The following ADGRF5 variants were observed in gnomAD, a reference collection of about 807,000 sequenced individuals.
ADGRF5 encodes adhesion G protein-coupled receptor F5.
In ADGRF5, 75 loss-of-function variants were observed where a neutral mutation model predicts 132.3. The ratio of observed to expected loss-of-function variants is 0.57; its 90% CI spans 0.47 to 0.69. The LOEUF is 0.69. Among genes scored for constraint, ADGRF5 ranks in the 30% least tolerant of loss-of-function variants. The probability of loss-of-function intolerance (pLI) is 0.00; values close to 1 mark genes in which losing one functional copy is unlikely to be tolerated. For synonymous variants in ADGRF5, 629 were observed against 597.6 expected, an observed-to-expected ratio of 1.05 and a Z score of -0.77; for missense variants, 1,516 against 1,630.6, an observed-to-expected ratio of 0.93 and a Z score of 1.21.
chr6:46,936,996 T>C (rs1777865065), intron 1 of ADGRF5, among the ~76,000 whole-genome samples: 1 of 152,224 alleles, frequency 6.6e-6, no homozygotes, highest in Admixed American at 6.5e-5. Flanking sequence ...CCCACCCTTC[T>C]TGACCCTTTT....
Position 46,907,430 on chromosome 6 carries a change from C to T in ADGRF5, c.-24-644G>A, listed in dbSNP as rs575941077. On this transcript the variant is annotated intron_variant, in intron 1 of 20. Coordinates refer to ENST00000283296, the MANE Select transcript of ADGRF5 (RefSeq NM_001098518.2). Reference sequence around the variant, plus strand: ...CTATTGCCCAGGCTGGTCTTGAATTCCTGGCCTCAAGCAATCCTCCTGCCT... The same window carrying T: ...CTATTGCCCAGGCTGGTCTTGAATTTCTGGCCTCAAGCAATCCTCCTGCCT... Among the ~76,000 whole-genome samples the T allele has an allele frequency of 1.5e-4, 23 of 151,812 alleles. 1 individual carries two copies. Among genetic ancestry groups the T allele is most frequent in the Admixed American group, 1.0e-3 (16 of 15,260 alleles).
At chr6:46,918,151 G>C (rs1215455800) in intron 1 of ADGRF5, among the ~76,000 whole-genome samples, 1 of 152,222 alleles carries the variant, frequency 6.6e-6, no homozygotes, top group Admixed American at 6.5e-5. Flanking sequence ...GTCACACCAT[G>C]TGATTTGAAA....
Position 46,877,297 on chromosome 6 carries a change from C to T in ADGRF5, c.1240+905G>A, listed in dbSNP as rs868816762. ...TTTCTTTCTTTCTTTCTTTCTCTCT[C>T]TCTCTCTCTTTCCTTCCTTCCTTCC... On this transcript the variant is annotated intron_variant, in intron 10 of 20. Coordinates refer to ENST00000283296, the MANE Select transcript of ADGRF5 (RefSeq NM_001098518.2). 1.5e-3 allele frequency among the ~76,000 whole-genome samples: 140 copies of T among 95,092 alleles called. 2 individuals carry two copies. Among genetic ancestry groups the T allele is most frequent in the African/African-American group, 4.6e-3 (114 of 24,984 alleles). 62.4% of individuals were successfully genotyped at this position (95,092 alleles called of 152,430 possible). A position where few individuals can be genotyped will look rare whatever the true frequency, so the allele number is the denominator to read the frequency against.
chr6:46,888,263 T>C lies in ADGRF5; in HGVS notation c.328+72A>G, dbSNP rs535968596. 4 of 1,084,494 alleles carry C rather than the reference T, an allele frequency of 3.7e-6. No individual in the cohort carries two copies. In the East Asian group the frequency reaches 7.1e-5, roughly 19 times the overall value. The allele number at this position is 1,084,494 out of a possible 1,614,324, so 67.2% of individuals were successfully genotyped here. On this transcript the variant is annotated intron_variant, in intron 4 of 20. Transcript: ENST00000283296. ...CCTACTAAGTAAAAGATTGCTCTGA[T>C]ACTCAGGAGCTCAGACAGTCTGTCT...
At chr6:46,876,818 T>C (rs1771706829) in intron 10 of ADGRF5, among the ~76,000 whole-genome samples, 1 of 152,202 alleles carries the variant, frequency 6.6e-6, no homozygotes, top group Admixed American at 6.5e-5. Flanking sequence ...TTGGCCAGGC[T>C]CGTCTCCAAT....
At chr6:46,869,194 G>GAA in intron 11 of ADGRF5, 102 bp from the exon 12 acceptor site, 4 of 1,337,508 alleles carry the variant, frequency 3.0e-6, no homozygotes, top group East Asian at 2.8e-5. Context: ...GAGAGGGACA[G>GAA]AAAAAAAAAA....
upstream of ADGRF5, among the ~76,000 whole-genome samples, chr6:46,925,729 C>T (rs114403141): frequency 0.01 from 1,555 of 152,312 alleles, 23 homozygotes; most frequent in African/African-American, 0.034. Context: ...TGCATTCCAG[C>T]CTGAGTGACA....
intron 1 of ADGRF5, among the ~76,000 whole-genome samples, chr6:46,913,556 A>T (rs1687380347): frequency 6.6e-6 from 1 of 152,072 alleles, no homozygotes; most frequent in Non-Finnish European, 1.5e-5. Flanking sequence ...TGGTGCCAAG[A>T]AGTCCATTAA....
At chr6:46,888,890 A>T (rs917726875) in intron 3 of ADGRF5, among the ~76,000 whole-genome samples, 1 of 152,114 alleles carries the variant, frequency 6.6e-6, no homozygotes, top group Non-Finnish European at 1.5e-5. Flanking sequence ...TGGATTGAAG[A>T]CATCTGGGAA....
At chr6:46,951,653 C>T (rs1407680668) in intron 1 of ADGRF5, among the ~76,000 whole-genome samples, 1 of 152,168 alleles carries the variant, frequency 6.6e-6, no homozygotes, top group Non-Finnish European at 1.5e-5. Context: ...CTTGGTAGAG[C>T]TACTTCCTCC....
intron 1 of ADGRF5, among the ~76,000 whole-genome samples, chr6:46,953,633 A>G (rs1476489355): frequency 1.0e-5 from 1 of 98,502 alleles, no homozygotes; most frequent in Admixed American, 1.5e-4. Flanking sequence ...AAAAAATTAT[A>G]TATATATAGA....
chr6:46,945,156 G>T, intron 1 of ADGRF5, among the ~76,000 whole-genome samples: 4 of 152,258 alleles, frequency 2.6e-5, no homozygotes, highest in Middle Eastern at 6.8e-3. Context: ...TGGAAATTCT[G>T]CCTGAGTGAT....
intron 15 of ADGRF5, 35 bp downstream of exon 15, chr6:46,862,853 C>A (rs149538741): frequency 2.1e-6 from 3 of 1,407,486 alleles, no homozygotes; most frequent in Non-Finnish European, 3.0e-6. Context: ...TAGATCGCCC[C>A]ACCAAGAGCT....
intron 3 of ADGRF5, among the ~76,000 whole-genome samples, chr6:46,897,048 C>G (rs959677480): frequency 1.3e-5 from 2 of 151,536 alleles, no homozygotes; most frequent in Non-Finnish European, 2.9e-5. Flanking sequence ...GGAACCAATC[C>G]CCCATGGATA....
At position 46,853,580 on chromosome 6, in the gene ADGRF5, T is replaced by TTCCTTC. The variant is rs1562127432; in HGVS notation, c.*411_*412insGAAGGA. 2 of 150,534 alleles carry TTCCTTC rather than the reference T, an allele frequency of 1.3e-5. No individual in the cohort carries two copies. Among genetic ancestry groups the TTCCTTC allele is most frequent in the Non-Finnish European group, 2.9e-5 (2 of 67,902 alleles). 9.3% of individuals were successfully genotyped at this position (150,534 alleles called of 1,614,324 possible). ...GTTTCCCTCCCTTCTTTCCTTCCTTTCTTCCTTCCTTCCTTCTTAGAATTC... is the reference window on the plus strand; with the variant it reads ...GTTTCCCTCCCTTCTTTCCTTCCTTTTCCTTCCTTCCTTCCTTCCTTCTTAGAATTC... On this transcript the variant is annotated 3_prime_UTR_variant, in exon 21 of 21. Transcript: ENST00000283296.
At chr6:46,930,790 C>G (rs186237736) in intron 1 of ADGRF5, among the ~76,000 whole-genome samples, 1 of 152,180 alleles carries the variant, frequency 6.6e-6, no homozygotes, top group Non-Finnish European at 1.5e-5. Flanking sequence ...CGGCAGCTCA[C>G]GCCTGTAATC....
Position 46,859,457 on chromosome 6 carries a change from G to A in ADGRF5, c.2446C>T (p.Gln816Ter), listed in dbSNP as rs756296075. 1 of 1,613,496 alleles carries A rather than the reference G, an allele frequency of 6.2e-7. No individual in the cohort carries two copies. The highest frequency in any genetic ancestry group is 8.5e-7 in the Non-Finnish European group (1 of 1,179,450). ...TGTGAACTCTGATTGGTCCATTGCT[G>A]TTGTAAAACCTTCCAGGTGTTCAAG... ...PVLNTWKVLQ[Q>*]QWTNQSSQLL... is the part of the protein sequence containing the mutation. The change falls in exon 17 of 21, where the codon CAG becomes TAG. Residue 816 changes from glutamine (Q) to a stop codon, truncating the protein, a stop_gained. Coordinates refer to ENST00000283296, the MANE Select transcript of ADGRF5 (RefSeq NM_001098518.2). LOFTEE classifies it high-confidence loss of function.
chr6:46,895,330 C>A (rs1774064894), intron 3 of ADGRF5, among the ~76,000 whole-genome samples: 1 of 151,972 alleles, frequency 6.6e-6, no homozygotes, highest in African/African-American at 2.4e-5. Context: ...CTCCACACAC[C>A]AGCCTGAAAG....
intron 1 of ADGRF5, among the ~76,000 whole-genome samples, chr6:46,953,932 A>G (rs1174304738): frequency 7.2e-5 from 11 of 152,060 alleles, no homozygotes; most frequent in Admixed American, 7.2e-4. Context: ...TTGTGAAGAC[A>G]AAATGAAACA....
Sources: gnomAD v4.1 joint callset for allele counts (sites outside exome capture counted in the v4.1 genomes callset) on GRCh38, gnomAD v4.1.1 for gene constraint, MANE v1.5 for transcripts, NCBI Gene and HGNC (gene_info 2026-07-23, HGNC 2026-07-21) for gene names.